SOX6: variants seen among roughly 807,000 people sequenced by gnomAD.
The protein encoded by SOX6 is transcription factor SOX-6.
In SOX6, 11 loss-of-function variants were observed where a neutral mutation model predicts 97.8. The ratio of observed to expected loss-of-function variants is 0.11; its 90% CI spans 0.07 to 0.19. The LOEUF (loss-of-function observed/expected upper bound fraction) is 0.19, where lower values mean the gene tolerates loss of function less well. Among genes scored for constraint, SOX6 ranks in the 10% least tolerant of loss-of-function variants. The probability of loss-of-function intolerance (pLI) is 1.00; values close to 1 mark genes in which losing one functional copy is unlikely to be tolerated. For missense variants in SOX6, 810 were observed against 1,039.5 expected (o/e 0.78, Z 3.04); for synonymous variants, 360 against 371.4 (o/e 0.97, Z 0.35).
At chr11:15,979,782 GC>G (rs1853607264) in intron 15 of SOX6, among the ~76,000 whole-genome samples, 1 of 152,018 alleles carries the variant, frequency 6.6e-6, no homozygotes, top group African/African-American at 2.4e-5. Context: ...CTCAAATGTT[GC>G]TTTCTCAGTG....
intron 3 of SOX6, among the ~76,000 whole-genome samples, chr11:16,280,326 C>T (rs1011430331): frequency 2.6e-5 from 4 of 151,382 alleles, no homozygotes; most frequent in Admixed American, 6.6e-5. Context: ...ATTGGTTAGC[C>T]CACCAAATTT....
At chr11:16,525,401 A>C (rs1378153090) in intron 4 of SOX6, among the ~76,000 whole-genome samples, 4 of 151,738 alleles carry the variant, frequency 2.6e-5, no homozygotes, top group Admixed American at 6.6e-5. Context: ...CTATTTAATA[A>C]ATGGTGCTGG....
chr11:16,306,650 G>T, intron 3 of SOX6, among the ~76,000 whole-genome samples: 1 of 90,622 alleles, frequency 1.1e-5, no homozygotes, highest in South Asian at 4.3e-4. Flanking sequence ...TCCTGAGACA[G>T]ATTCTCGCTC....
chr11:16,150,768 G>A (rs569856964), intron 6 of SOX6, among the ~76,000 whole-genome samples: 1 of 152,158 alleles, frequency 6.6e-6, no homozygotes, highest in East Asian at 1.9e-4. Context: ...CTTTTAACCA[G>A]GCATCGATAG....
At chr11:16,120,623 G>A (rs1002470672) in intron 6 of SOX6, among the ~76,000 whole-genome samples, 4 of 150,890 alleles carry the variant, frequency 2.7e-5, no homozygotes, top group South Asian at 2.1e-4. Flanking sequence ...TGAAAAGTTG[G>A]TTTAAAGCAA....
At chr11:16,045,969 G>A (rs1855815775) in intron 12 of SOX6, among the ~76,000 whole-genome samples, 1 of 152,180 alleles carries the variant, frequency 6.6e-6, no homozygotes, top group Non-Finnish European at 1.5e-5. Context: ...GTCTTTGTCA[G>A]ATTTGCTCAC....
intron 6 of SOX6, among the ~76,000 whole-genome samples, chr11:16,134,596 T>C (rs1849907824): frequency 6.6e-6 from 1 of 152,220 alleles, no homozygotes; most frequent in Non-Finnish European, 1.5e-5. Flanking sequence ...TACCTTTTGG[T>C]AATTCTCGCA....
At chr11:16,526,134 G>A (rs1363146746) in intron 4 of SOX6, among the ~76,000 whole-genome samples, 1 of 152,152 alleles carries the variant, frequency 6.6e-6, no homozygotes, top group Admixed American at 6.5e-5. Context: ...CCATTCCTGG[G>A]TATATACCCA....
intron 3 of SOX6, among the ~76,000 whole-genome samples, chr11:16,253,715 CTG>C (rs895687060): frequency 2.0e-5 from 3 of 151,728 alleles, no homozygotes; most frequent in Admixed American, 6.6e-5. Context: ...TATCCAATAA[CTG>C]TGGAACAACT....
intron 2 of SOX6, among the ~76,000 whole-genome samples, chr11:16,330,439 C>CAGCT (rs1434921681): frequency 6.6e-6 from 1 of 152,218 alleles, no homozygotes; most frequent in East Asian, 1.9e-4. Context: ...CCTGTAATCC[C>CAGCT]AGCTACTCAG....
intron 3 of SOX6, among the ~76,000 whole-genome samples, chr11:16,700,075 C>T (rs1024761217): frequency 6.6e-6 from 1 of 151,872 alleles, no homozygotes; most frequent in African/African-American, 2.4e-5. Flanking sequence ...ACAGCATGTA[C>T]AAATCACTAC....
intron 3 of SOX6, among the ~76,000 whole-genome samples, chr11:16,681,774 G>A (rs1847929980): frequency 6.6e-6 from 1 of 152,170 alleles, no homozygotes; most frequent in South Asian, 2.1e-4. Flanking sequence ...AAATGATAAA[G>A]GGGATATTGC....
chr11:16,076,738 T>TTTTC (rs1848362731), intron 9 of SOX6, among the ~76,000 whole-genome samples: 1 of 117,708 alleles, frequency 8.5e-6, no homozygotes, highest in African/African-American at 4.2e-5. Context: ...ACTACACATT[T>TTTTC]TTTTTTTTTT....
rs374815848 is a variant in SOX6 at position 16,300,221 on chromosome 11, A to G, written c.445+18225T>C. On this transcript the variant is annotated intron_variant, in intron 3 of 15. Transcript: ENST00000683767. This position sits in a 1 kb window ranked among gnomAD's most constrained non-coding sequence, Gnocchi z 4.1. ...TTGTTCAAATTATTTCTCAGGCATGATAAGTTTCTAAACCAAATACTGAGC... is the reference window on the plus strand; with the variant it reads ...TTGTTCAAATTATTTCTCAGGCATGGTAAGTTTCTAAACCAAATACTGAGC... Among the ~76,000 whole-genome samples, 6 of 152,264 alleles carry G rather than the reference A, an allele frequency of 3.9e-5. No individual in the cohort carries two copies. In the South Asian group the frequency reaches 6.2e-4, roughly 16 times the overall value.
At chr11:16,219,566 C>T (rs1475107937) in intron 4 of SOX6, among the ~76,000 whole-genome samples, 1 of 151,990 alleles carries the variant, frequency 6.6e-6, no homozygotes, top group African/African-American at 2.4e-5. Context: ...ATTAAATATG[C>T]ACTCAGTAGT....
At chr11:16,562,123 T>C (rs1374950497) in intron 4 of SOX6, among the ~76,000 whole-genome samples, 9 of 152,200 alleles carry the variant, frequency 5.9e-5, no homozygotes, top group Non-Finnish European at 2.9e-5. Context: ...TAACATGTTC[T>C]TGTGTTTTTA....
intron 3 of SOX6, 74 bp from the exon 4 acceptor site, chr11:16,234,745 T>G: frequency 2.2e-6 from 2 of 899,156 alleles, no homozygotes; most frequent in South Asian, 1.8e-5. Context: ...ATGGGGAAAT[T>G]CTCATTTAAG....
At chr11:16,144,928 G>A (rs963299100) in intron 6 of SOX6, among the ~76,000 whole-genome samples, 3 of 152,172 alleles carry the variant, frequency 2.0e-5, no homozygotes, top group Non-Finnish European at 2.9e-5. Context: ...GGTACAAGGA[G>A]GAGCTGGTAC....
chr11:16,299,318 G>A (rs1310296501), intron 3 of SOX6, among the ~76,000 whole-genome samples: 1 of 152,134 alleles, frequency 6.6e-6, no homozygotes, highest in Admixed American at 6.5e-5. Context: ...TTTATCCCAA[G>A]TGATCACAGG....
Sources: gnomAD v4.1 joint callset for allele counts (sites outside exome capture counted in the v4.1 genomes callset) on GRCh38, gnomAD v4.1.1 for gene constraint, Gnocchi (gnomAD v3.1) non-coding constraint, MANE v1.5 for transcripts, NCBI Gene and HGNC (gene_info 2026-07-23, HGNC 2026-07-21) for gene names.